Variants in STXBP6 observed in about 807,000 individuals in gnomAD.
STXBP6 encodes the protein syntaxin-binding protein 6.
A neutral mutation model predicts 26.9 loss-of-function variants in STXBP6; 21 were observed. That is an observed-to-expected ratio of 0.78 (90% CI 0.55 to 1.12). The LOEUF is 1.12. STXBP6 is among the 50% of genes most tolerant of loss of function. The pLI is 0.00. For missense variants in STXBP6, 232 were observed against 257.9 expected (o/e 0.90, Z 0.69); for synonymous variants, 97 against 92.6 (o/e 1.05, Z -0.27).
intron 4 of STXBP6, among the ~76,000 whole-genome samples, chr14:24,834,145 C>A (rs1312067456): frequency 6.6e-6 from 1 of 152,094 alleles, no homozygotes; most frequent in East Asian, 1.9e-4. Context: ...CAGATGTGCA[C>A]CACCATAACC....
At chr14:25,015,463 C>T (rs2075128615) in intron 1 of STXBP6, among the ~76,000 whole-genome samples, 1 of 151,900 alleles carries the variant, frequency 6.6e-6, no homozygotes. Flanking sequence ...GTCAAGATTC[C>T]ACACCTGGCA....
At chr14:24,987,093 T>C (rs186405935) in intron 1 of STXBP6, among the ~76,000 whole-genome samples, 8 of 151,946 alleles carry the variant, frequency 5.3e-5, no homozygotes, top group African/African-American at 1.9e-4. Flanking sequence ...ATCAATTGAA[T>C]ACTACCCTAA....
intron 1 of STXBP6, among the ~76,000 whole-genome samples, chr14:25,014,159 C>A (rs561885524): frequency 3.1e-4 from 47 of 152,272 alleles, no homozygotes; most frequent in African/African-American, 1.1e-3. Context: ...CTATTATATT[C>A]TCTTGTACTC....
intron 1 of STXBP6, among the ~76,000 whole-genome samples, chr14:25,022,042 A>T (rs2075271943): frequency 6.6e-6 from 1 of 152,238 alleles, no homozygotes; most frequent in African/African-American, 2.4e-5. Flanking sequence ...CCTGATTTCT[A>T]TGTGAAAACT....
chr14:24,899,086 T>A (rs1167367500), intron 2 of STXBP6, among the ~76,000 whole-genome samples: 1 of 152,134 alleles, frequency 6.6e-6, no homozygotes, highest in Admixed American at 6.5e-5. Context: ...ACCTATCAGA[T>A]GAAAAAACAC....
rs776828963 is a variant in STXBP6, at chr14:24,857,112, T to A, written c.200A>T (p.Gln67Leu). 2 of 1,613,076 alleles carry A rather than the reference T, an allele frequency of 1.2e-6. No individual in the cohort carries two copies. The highest frequency in any genetic ancestry group is 1.7e-6 in the Non-Finnish European group (2 of 1,179,246). ...PTQASITKVK[Q>L]FEGSTSFVRR... ...AACAAATGATGTGGAGCCTTCAAAC[T>A]GTTTGACCTTTGTGATGGACGCCTG... The change falls in exon 3 of 6, where the codon CAG becomes CTG. Residue 67 changes from glutamine (Q) to leucine (L), a missense_variant. Gln to Leu is a moderately radical substitution (Grantham distance 113). Transcript: ENST00000323944.
intron 2 of STXBP6, among the ~76,000 whole-genome samples, chr14:24,901,094 T>C (rs1457708173): frequency 1.3e-5 from 2 of 152,034 alleles, no homozygotes; most frequent in African/African-American, 2.4e-5. Flanking sequence ...TCTAGTCTCA[T>C]TTAAAATAAA....
intron 1 of STXBP6, among the ~76,000 whole-genome samples, chr14:25,001,259 T>C (rs1212425480): frequency 6.6e-6 from 1 of 152,178 alleles, no homozygotes; most frequent in Admixed American, 6.5e-5. Context: ...TGCCTTAAAA[T>C]AGCTCACCAT....
intron 1 of STXBP6, among the ~76,000 whole-genome samples, chr14:25,003,788 G>A (rs2074824267): frequency 6.6e-6 from 1 of 152,174 alleles, no homozygotes; most frequent in Non-Finnish European, 1.5e-5. Flanking sequence ...GGCCAGGCCA[G>A]TGTCACAACA....
intron 1 of STXBP6, among the ~76,000 whole-genome samples, chr14:25,009,182 CAAGTT>C (rs2074974486): frequency 6.6e-6 from 1 of 152,134 alleles, no homozygotes; most frequent in Non-Finnish European, 1.5e-5. Flanking sequence ...TATAAGACGT[CAAGTT>C]AAGGACGTCT....
chr14:24,930,665 G>A (rs892289539), intron 2 of STXBP6, among the ~76,000 whole-genome samples: 17 of 152,064 alleles, frequency 1.1e-4, no homozygotes, highest in African/African-American at 3.9e-4. Context: ...TGTGAACAAG[G>A]GCTAAAAAGT....
chr14:24,951,359 G>A (rs2073163390), intron 2 of STXBP6, among the ~76,000 whole-genome samples: 1 of 149,584 alleles, frequency 6.7e-6, no homozygotes, highest in Non-Finnish European at 1.5e-5. Flanking sequence ...CCCACCAACA[G>A]TGTAAAAGCG....
chr14:24,858,611 T>C (rs61976833), intron 2 of STXBP6, among the ~76,000 whole-genome samples: 30 of 152,258 alleles, frequency 2.0e-4, no homozygotes, highest in Non-Finnish European at 3.4e-4. Context: ...TATTCACAAA[T>C]AGGAACAACC....
rs200179208 is a variant in STXBP6 at position 24,856,025 on chromosome 14, G to T, written c.362C>A (p.Thr121Asn). Residue 121 changes from threonine (T) to asparagine (N), a missense_variant, in exon 4 of 6, where the codon ACC (threonine) becomes AAC (asparagine). Coordinates refer to ENST00000323944, the MANE Select transcript of STXBP6 (RefSeq NM_001394410.1). ...WVASTASEKC[T>N]FFQILHHTCQ... The stretch of plus-strand genomic sequence containing the variant: ...GGTATGGTGGAGGATCTGGAAGAAG[G>T]TGCATTTTTCTGACGCTGTGCTGGC... The T allele has an allele frequency of 7.4e-6, 12 of 1,611,694 alleles. No individual in the cohort carries two copies. Among genetic ancestry groups the T allele is most frequent in the Non-Finnish European group, 1.0e-5 (12 of 1,178,710 alleles).
intron 1 of STXBP6, among the ~76,000 whole-genome samples, chr14:24,990,513 C>T (rs1000874110): frequency 2.6e-5 from 4 of 151,892 alleles, no homozygotes; most frequent in African/African-American, 9.7e-5. Context: ...ACAAAATTAG[C>T]CGGGCGTGAT....
At chr14:25,017,640 C>A (rs2075177495) in intron 1 of STXBP6, among the ~76,000 whole-genome samples, 1 of 152,216 alleles carries the variant, frequency 6.6e-6, no homozygotes, top group Non-Finnish European at 1.5e-5. Context: ...TGGCCTTGGG[C>A]CACAATACAT....
chr14:25,018,382 G>C (rs529710005), intron 1 of STXBP6, among the ~76,000 whole-genome samples: 2 of 152,028 alleles, frequency 1.3e-5, no homozygotes, highest in African/African-American at 4.8e-5. Context: ...AAACCCTCCC[G>C]GTTTTACAAA....
intron 4 of STXBP6, among the ~76,000 whole-genome samples, chr14:24,827,079 T>C (rs979761676): frequency 6.6e-6 from 1 of 152,148 alleles, no homozygotes; most frequent in African/African-American, 2.4e-5. Flanking sequence ...TGCATGCCTA[T>C]AGTCCCAGTT....
chr14:24,880,664 G>C (rs984053407), intron 2 of STXBP6, among the ~76,000 whole-genome samples: 3 of 152,154 alleles, frequency 2.0e-5, no homozygotes, highest in Non-Finnish European at 4.4e-5. Context: ...AAATATCCCA[G>C]TTCCCATTAA....
Sources: allele counts gnomAD v4.1 joint callset (sites outside exome capture counted in the v4.1 genomes callset), GRCh38; gene constraint gnomAD v4.1.1; transcripts MANE v1.5; gene names NCBI Gene and HGNC (gene_info 2026-07-23, HGNC 2026-07-21).